SPIDR: variants seen among roughly 807,000 people sequenced by gnomAD.
SPIDR encodes scaffold protein involved in DNA repair, also known as DNA repair-scaffolding protein.
A neutral mutation model predicts 104.6 loss-of-function variants in SPIDR; 93 were observed. The ratio of observed to expected loss-of-function variants is 0.89; its 90% CI spans 0.75 to 1.06. The LOEUF (loss-of-function observed/expected upper bound fraction) is 1.06, where lower values mean the gene tolerates loss of function less well. Ranked by LOEUF, SPIDR falls within the 50% of genes least tolerant of loss-of-function variation. SPIDR has a pLI of 0.00. For synonymous variants in SPIDR, 431 were observed against 416.9 expected (o/e 1.03, Z -0.41); for missense variants, 1,154 against 1,111.2 (o/e 1.04, Z -0.55).
intron 8 of SPIDR, among the ~76,000 whole-genome samples, chr8:47,581,486 T>TA (rs993644066): frequency 6.6e-6 from 1 of 152,056 alleles, no homozygotes; most frequent in Admixed American, 6.6e-5. Context: ...ATGAGTCAGT[T>TA]AAAAAATATA....
At chr8:47,409,029 T>C (rs1207474081) in intron 7 of SPIDR, among the ~76,000 whole-genome samples, 1 of 151,950 alleles carries the variant, frequency 6.6e-6, no homozygotes, top group African/African-American at 2.4e-5. Context: ...CTACTAAAAA[T>C]ATAAAAATTA....
At chr8:47,462,174 T>G (rs903211256) in intron 8 of SPIDR, among the ~76,000 whole-genome samples, 1 of 152,130 alleles carries the variant, frequency 6.6e-6, no homozygotes, top group Non-Finnish European at 1.5e-5. Context: ...CTGTAGTGAT[T>G]ATTATTTCTC....
At chr8:47,377,545 A>G (rs2154298416) in intron 5 of SPIDR, among the ~76,000 whole-genome samples, 1 of 152,322 alleles carries the variant, frequency 6.6e-6, no homozygotes, top group South Asian at 2.1e-4. Context: ...ATTATGTGCA[A>G]ATATTGTCAC....
intron 10 of SPIDR, among the ~76,000 whole-genome samples, chr8:47,646,414 A>G (rs565147749): frequency 6.6e-6 from 1 of 152,304 alleles, no homozygotes; most frequent in East Asian, 1.9e-4. Context: ...CAGCACTTCT[A>G]CTTCTTGGAA....
intron 5 of SPIDR, among the ~76,000 whole-genome samples, chr8:47,311,797 C>T (rs2044217193): frequency 6.6e-6 from 1 of 151,902 alleles, no homozygotes; most frequent in Non-Finnish European, 1.5e-5. Context: ...TATACATGTG[C>T]CATGTTGGTG....
At chr8:47,302,863 G>T (rs1299736650) in intron 5 of SPIDR, among the ~76,000 whole-genome samples, 1 of 152,158 alleles carries the variant, frequency 6.6e-6, no homozygotes, top group African/African-American at 2.4e-5. Context: ...CCTACTGGGG[G>T]GTCCCTCCCA....
In SPIDR at chr8:47,395,378, A is replaced by G. The variant is rs148600226; in HGVS notation, c.526-998A>G. On this transcript the variant is annotated intron_variant, in intron 5 of 19. Transcript: ENST00000297423. ...AAAAAAGAAGAAAGAATTTAACCATATAATCCTCAGAAAAAAAGGCCTTTT... is the reference window on the plus strand; with the variant it reads ...AAAAAAGAAGAAAGAATTTAACCATGTAATCCTCAGAAAAAAAGGCCTTTT... 2.4e-3 allele frequency among the ~76,000 whole-genome samples: 362 copies of G among 152,284 alleles called. 1 individual carries two copies. The highest frequency in any genetic ancestry group is 8.5e-3 in the African/African-American group (352 of 41,570).
At chr8:47,329,144 C>T (rs1227493168) in intron 5 of SPIDR, among the ~76,000 whole-genome samples, 1 of 151,322 alleles carries the variant, frequency 6.6e-6, no homozygotes, top group South Asian at 2.1e-4. Context: ...AATCTCAGCT[C>T]ACTGCAACCT....
rs1417129644 is a variant in SPIDR, at chr8:47,381,224, A to G, written c.526-15152A>G. 4.6e-5 allele frequency among the ~76,000 whole-genome samples: 7 copies of G among 152,132 alleles called. No individual in the cohort carries two copies. In the East Asian group the frequency reaches 1.4e-3, roughly 29 times the overall value. ...CCAGAATGATTCCTGATACACAGGCACTCAGTTAATGTGTTACATGAATAA... is the reference window on the plus strand; with the variant it reads ...CCAGAATGATTCCTGATACACAGGCGCTCAGTTAATGTGTTACATGAATAA... On this transcript the variant is annotated intron_variant, in intron 5 of 19. Coordinates refer to ENST00000297423, the MANE Select transcript of SPIDR (RefSeq NM_001080394.4).
At chr8:47,286,766 G>C (rs2038926877) in intron 3 of SPIDR, among the ~76,000 whole-genome samples, 1 of 152,150 alleles carries the variant, frequency 6.6e-6, no homozygotes, top group East Asian at 1.9e-4. Context: ...TTCAAAAAAG[G>C]AAATATAAAT....
intron 8 of SPIDR, among the ~76,000 whole-genome samples, chr8:47,529,752 G>A (rs192019289): frequency 6.6e-6 from 1 of 152,154 alleles, no homozygotes; most frequent in African/African-American, 2.4e-5. Context: ...GTATTCAGTG[G>A]TCATAGTTCA....
intron 14 of SPIDR, among the ~76,000 whole-genome samples, chr8:47,704,150 A>G (rs1207616311): frequency 6.6e-6 from 1 of 152,250 alleles, no homozygotes; most frequent in Non-Finnish European, 1.5e-5. Context: ...TGGATTAGCT[A>G]GTGCTTGCCA....
intron 7 of SPIDR, among the ~76,000 whole-genome samples, chr8:47,435,771 G>A (rs10957370): frequency 0.73 from 110,685 of 152,128 alleles, 40,436 homozygotes; most frequent in Admixed American, 0.81. Flanking sequence ...CTGTCTGTGC[G>A]TTTTAAACAA....
chr8:47,723,991 T>C (rs1424490742), intron 16 of SPIDR, among the ~76,000 whole-genome samples: 1 of 151,564 alleles, frequency 6.6e-6, no homozygotes, highest in African/African-American at 2.4e-5. Flanking sequence ...TTCTATCAAT[T>C]TAGAATTAGA....
Position 47,528,773 on chromosome 8 carries a change from G to GA in SPIDR, c.1098-67028dup, listed in dbSNP as rs549590776. Among the ~76,000 whole-genome samples the GA allele has an allele frequency of 1.1e-3, 161 of 144,172 alleles. 1 individual carries two copies. The highest frequency in any genetic ancestry group is 2.0e-3 in the South Asian group (9 of 4,570). The allele number at this position is 144,172 out of a possible 152,430, so 94.6% of individuals were successfully genotyped here. A position where few individuals can be genotyped will look rare whatever the true frequency, so the allele number is the denominator to read the frequency against. ...CTAAAATACAAAAAGAAAAAAGAGT[G>GA]AAAAAAAAAAGGGAACATAATATTC... On this transcript the variant is annotated intron_variant, in intron 8 of 19. Transcript: ENST00000297423.
At chr8:47,449,612 G>A (rs986130380) in intron 8 of SPIDR, among the ~76,000 whole-genome samples, 4 of 152,154 alleles carry the variant, frequency 2.6e-5, no homozygotes, top group African/African-American at 9.7e-5. Flanking sequence ...GGACAACAAG[G>A]AATTTAGTCT....
chr8:47,663,803 CTT>C (rs1479843905), intron 10 of SPIDR, among the ~76,000 whole-genome samples: 1 of 152,162 alleles, frequency 6.6e-6, no homozygotes, highest in Non-Finnish European at 1.5e-5. Flanking sequence ...TCTAGAGAAT[CTT>C]TATTTCCAAT....
At chr8:47,723,826 TTCAC>T (rs2083802113) in intron 16 of SPIDR, among the ~76,000 whole-genome samples, 1 of 152,184 alleles carries the variant, frequency 6.6e-6, no homozygotes, top group Non-Finnish European at 1.5e-5. Flanking sequence ...ACTGTCCTGC[TTCAC>T]AGGTAATGCA....
At chr8:47,310,240 A>G (rs1211711798) in intron 5 of SPIDR, among the ~76,000 whole-genome samples, 5 of 151,402 alleles carry the variant, frequency 3.3e-5, no homozygotes, top group African/African-American at 9.7e-5. Flanking sequence ...AGGCTGAGGC[A>G]GAAGAATGGT....
Sources: allele counts gnomAD v4.1 joint callset (sites outside exome capture counted in the v4.1 genomes callset), GRCh38; gene constraint gnomAD v4.1.1; transcripts MANE v1.5; gene names NCBI Gene and HGNC (gene_info 2026-07-23, HGNC 2026-07-21).